ERCC5: variants seen among roughly 807,000 people sequenced by gnomAD.
ERCC5 encodes the protein DNA excision repair protein ERCC-5.
ERCC5 carries 68 observed loss-of-function variants against 105.6 expected under a neutral mutation model. That is an observed-to-expected ratio of 0.64 (90% CI 0.53 to 0.79). ERCC5 has a LOEUF of 0.79. Ranked by LOEUF, ERCC5 falls within the 30% of genes least tolerant of loss-of-function variation. The pLI, the probability that ERCC5 is intolerant of heterozygous loss-of-function variation, is 0.00. For missense variants in ERCC5, 1,373 were observed against 1,426.7 expected (o/e 0.96, Z 0.61); for synonymous variants, 546 against 526.2 (o/e 1.04, Z -0.51).
Position 102,865,848 on chromosome 13 carries a change from T to C in ERCC5, c.2136T>C (p.Gly712=), listed in dbSNP as rs1882814654. 6.2e-7 allele frequency: 1 copy of C among 1,614,198 alleles called. No homozygotes were observed. Among genetic ancestry groups the C allele is most frequent in the Non-Finnish European group, 8.5e-7 (1 of 1,180,034 alleles). The stretch of plus-strand genomic sequence containing the variant: ...ACTCTGAGAGGGACGACGTGGATGG[T>C]GAGCCACAGGAAGCTGAGAAAGATG... ...RDNSERDDVD[G]EPQEAEKDAE... is the part of the protein sequence containing the mutation. Residue 712 remains glycine, a synonymous_variant, in exon 9 of 15, where the codon GGT becomes GGC. Transcript: ENST00000652225. The surrounding 1 kb of genome is among the most constrained non-coding windows in gnomAD (Gnocchi z 4.0).
intron 1 of ERCC5, among the ~76,000 whole-genome samples, chr13:102,851,739 G>C (rs1882213952): frequency 6.6e-6 from 1 of 152,108 alleles, no homozygotes; most frequent in Admixed American, 6.5e-5. Flanking sequence ...TGGTAAAATA[G>C]ACTGCAAAGT....
intron 4 of ERCC5, 64 bp from the exon 5 acceptor site, chr13:102,855,988 A>G (rs1166042286): frequency 1.1e-5 from 16 of 1,516,278 alleles, no homozygotes; most frequent in South Asian, 2.2e-5. Context: ...AGCCTTGCAT[A>G]CAAGTATTTT....
chr13:102,866,936 C>A, intron 11 of ERCC5, 91 bp downstream of exon 11: 3 of 1,423,984 alleles, frequency 2.1e-6, no homozygotes, highest in Non-Finnish European at 2.9e-6. Flanking sequence ...TAGTTTGATG[C>A]ATTGATGGAA....
At chr13:102,850,050 T>A (rs1001234786) in intron 1 of ERCC5, among the ~76,000 whole-genome samples, 1 of 151,924 alleles carries the variant, frequency 6.6e-6, no homozygotes, top group Non-Finnish European at 1.5e-5. Context: ...CAATCGATTC[T>A]CCTGCCTCAG....
rs760232640 is a variant in ERCC5 at position 102,872,283 on chromosome 13, C to CA, written c.2766dup (p.Leu923ThrfsTer7). 28 of 1,614,014 alleles carry CA rather than the reference C, an allele frequency of 1.7e-5. No individual in the cohort carries two copies. The South Asian group carries it at 3.1e-4, about 18-fold the overall frequency. ...AGTGAAAAAAAAATTACGGACATTG[C>CA]AACTCACCCCTGGCTTTCCTAACCC... On this transcript the variant is annotated frameshift_variant, in exon 13 of 15. Transcript: ENST00000652225. LOFTEE classifies it high-confidence loss of function.
At chr13:102,863,189 T>G (rs1406980170) in intron 8 of ERCC5, 86 bp downstream of exon 8, 1 of 1,463,750 alleles carries the variant, frequency 6.8e-7, no homozygotes, top group Non-Finnish European at 9.3e-7. Context: ...TAGTCCCGTT[T>G]TAACTTTTTA....
Position 102,865,976 on chromosome 13 carries a change from T to C in ERCC5, c.2199+65T>C. On this transcript the variant is annotated intron_variant, in intron 9 of 14. Transcript: ENST00000652225. This position sits in a 1 kb window ranked among gnomAD's most constrained non-coding sequence, Gnocchi z 4.0. ...AGCCAGGTTAAGTAGGTTTTGAGTT[T>C]TAAGGAGTTGGTGGATGAGTATTTA... The C allele has an allele frequency of 6.2e-7, 1 of 1,612,730 alleles. No individual in the cohort carries two copies.
intron 6 of ERCC5, among the ~76,000 whole-genome samples, chr13:102,860,077 G>A (rs767885422): frequency 2.0e-5 from 3 of 152,094 alleles, no homozygotes; most frequent in Admixed American, 2.0e-4. Context: ...AGTAGCTGTC[G>A]CGGTGATCAG....
At chr13:102,858,166 A>G (rs2140522978) in intron 5 of ERCC5, 109 bp from the exon 6 acceptor site, 4 of 1,484,928 alleles carry the variant, frequency 2.7e-6, no homozygotes, top group Non-Finnish European at 2.8e-6. Context: ...CCAATTGTTG[A>G]TTATGTAGAA....
intron 4 of ERCC5, 51 bp downstream of exon 4, chr13:102,854,425 A>T: frequency 6.4e-7 from 1 of 1,557,490 alleles, no homozygotes; most frequent in African/African-American, 1.4e-5. Flanking sequence ...CTACATTCAG[A>T]CACATTTAAA....
Position 102,875,950 on chromosome 13 carries a change from A to G in ERCC5, c.*47A>G. Reference sequence around the variant, plus strand: ...TAATTAGTTATGACAGCCATTTGTAATGAATTTGTCGCAAAGACGTAATAA... The same window carrying G: ...TAATTAGTTATGACAGCCATTTGTAGTGAATTTGTCGCAAAGACGTAATAA... On this transcript the variant is annotated 3_prime_UTR_variant, in exon 15 of 15. Transcript: ENST00000652225. The G allele has an allele frequency of 6.3e-7, 1 of 1,592,900 alleles. No homozygotes were observed. The highest frequency in any genetic ancestry group is 8.5e-7 in the Non-Finnish European group (1 of 1,175,638).
chr13:102,861,360 T>C, intron 6 of ERCC5, 147 bp from the exon 7 acceptor site: 3 of 848,646 alleles, frequency 3.5e-6, no homozygotes, highest in South Asian at 3.6e-5. Context: ...GTAGTTTTTC[T>C]TGTTATTCAC....
intron 1 of ERCC5, among the ~76,000 whole-genome samples, chr13:102,848,653 T>C (rs1002242099): frequency 6.6e-6 from 1 of 152,130 alleles, no homozygotes; most frequent in Non-Finnish European, 1.5e-5. Context: ...TTGGCTTTGC[T>C]GCAGATTTTA....
Position 102,862,525 on chromosome 13 carries a change from C to T in ERCC5, c.1376C>T (p.Ala459Val), listed in dbSNP as rs1344944718. 9.9e-6 allele frequency: 16 copies of T among 1,613,888 alleles called. No homozygotes were observed. Among genetic ancestry groups the T allele is most frequent in the Admixed American group, 5.0e-5 (3 of 59,972 alleles). ...SSVNSAEEHV[A>V]STNEGREPTD... ...GTGAACTCTGCAGAGGAGCACGTAG[C>T]CAGCACTAATGAGGGGAGAGAGCCC... is the stretch of plus-strand genomic sequence containing the variant. The change falls in exon 8 of 15, where the codon GCC becomes GTC. Residue 459 changes from alanine (A) to valine (V), a missense_variant. Ala to Val is a moderately conservative substitution (Grantham distance 64). This residue lies in a region of ERCC5 where 1,004 missense variants were observed against 1,059.7 expected (regional missense o/e 0.95). Coordinates refer to ENST00000652225, the MANE Select transcript of ERCC5 (RefSeq NM_000123.4).
At chr13:102,848,973 G>A in intron 1 of ERCC5, 1 of 326,726 alleles carries the variant, frequency 3.1e-6, no homozygotes, top group Non-Finnish European at 6.0e-6. Flanking sequence ...TGTTTCAGAA[G>A]CTTCATATCC....
At chr13:102,852,675 C>G (rs910905462) in intron 2 of ERCC5, among the ~76,000 whole-genome samples, 7 of 152,116 alleles carry the variant, frequency 4.6e-5, no homozygotes, top group Non-Finnish European at 7.3e-5. Flanking sequence ...AAGTATCCTC[C>G]GTGATAGCAA....
Position 102,862,695 on chromosome 13 carries a change from C to T in ERCC5, c.1546C>T (p.Leu516Phe), listed in dbSNP as rs2140528085. 1 of 1,614,154 alleles carries T rather than the reference C, an allele frequency of 6.2e-7. No individual in the cohort carries two copies. Among genetic ancestry groups the T allele is most frequent in the Non-Finnish European group, 8.5e-7 (1 of 1,180,030 alleles). ...GGTTAGACATAGTGACGCACCTGGG[C>T]TCCCGAATGGAAGGGAACTGACACC... Reference protein sequence around the residue: ...AVVRHSDAPGLPNGRELTPAS... With the variant: ...AVVRHSDAPGFPNGRELTPAS... Residue 516 changes from leucine to phenylalanine, a missense_variant, in exon 8 of 15, where the codon CTC becomes TTC. Physicochemically the swap from Leu to Phe is conservative, Grantham distance 22. Around this residue, in one of 3 missense-constraint regions of ERCC5, gnomAD observed 1,004 missense variants for 1,059.7 expected, o/e 0.95. Coordinates refer to ENST00000652225, the MANE Select transcript of ERCC5 (RefSeq NM_000123.4).
chr13:102,855,271 T>G (rs189944701), intron 4 of ERCC5, among the ~76,000 whole-genome samples: 1 of 152,228 alleles, frequency 6.6e-6, no homozygotes, highest in East Asian at 1.9e-4. Flanking sequence ...CTTTTTTTTT[T>G]GAGATGGAGT....
Position 102,871,203 on chromosome 13 carries a change from G to A in ERCC5, c.2679-995G>A, listed in dbSNP as rs1883019306. 2.0e-5 allele frequency among the ~76,000 whole-genome samples: 3 copies of A among 152,136 alleles called. 1 individual carries two copies. The South Asian group carries it at 6.2e-4, about 32-fold the overall frequency. ...AGCTTGGCTTCCTCATAGCATGTTG[G>A]AGCCAAGAGCAGGAGGTCCAGGGGA... On this transcript the variant is annotated intron_variant, in intron 12 of 14. Coordinates refer to ENST00000652225, the MANE Select transcript of ERCC5 (RefSeq NM_000123.4).
Sources: allele counts gnomAD v4.1 joint callset (sites outside exome capture counted in the v4.1 genomes callset), GRCh38; gene constraint gnomAD v4.1.1; regional missense constraint gnomAD v4.1.1; non-coding constraint Gnocchi (gnomAD v3.1); transcripts MANE v1.5; gene names NCBI Gene and HGNC (gene_info 2026-07-23, HGNC 2026-07-21).